The following AGO2 variants were observed in gnomAD, a reference collection of about 807,000 sequenced individuals.
The protein encoded by AGO2 is protein argonaute-2.
In AGO2, 5 loss-of-function variants were observed where a neutral mutation model predicts 102.3. The observed-to-expected ratio is 0.05, with a 90% CI of 0.03 to 0.10. The LOEUF (loss-of-function observed/expected upper bound fraction) is 0.10. AGO2 is among the 10% of genes least tolerant of loss of function. The pLI is 1.00. For missense variants in AGO2, 541 were observed against 1,183.7 expected (o/e 0.46, Z 7.97); for synonymous variants, 449 against 473.1 (o/e 0.95, Z 0.66).
chr8:140,584,266 G>A (rs2073611183), intron 2 of AGO2, among the ~76,000 whole-genome samples: 3 of 151,962 alleles, frequency 2.0e-5, no homozygotes, highest in African/African-American at 4.8e-5. Flanking sequence ...CCAGAGAAAT[G>A]AAAATTAACC....
At chr8:140,532,277 G>A (rs1022476769) in intron 18 of AGO2, 125 bp from the exon 19 acceptor site, 18 of 1,370,260 alleles carry the variant, frequency 1.3e-5, no homozygotes, top group African/African-American at 1.1e-4. Context: ...CCACGCTGAC[G>A]GCCGTGCCAT....
chr8:140,525,673 GC>G lies in AGO2; in HGVS notation c.*6370del, dbSNP rs2072492746. On this transcript the variant is annotated 3_prime_UTR_variant, in exon 19 of 19. Coordinates refer to ENST00000220592, the MANE Select transcript of AGO2 (RefSeq NM_012154.5). The stretch of plus-strand genomic sequence containing the variant: ...GATGAGCAGCCAACATGAGAACGGG[GC>G]CACCTCCAAACACCCAGACACCTCC... 1 of 152,216 alleles carries G rather than the reference GC, an allele frequency of 6.6e-6. No homozygotes were observed. The highest frequency in any genetic ancestry group is 2.1e-4 in the South Asian group (1 of 4,830). The allele number at this position is 152,216 out of a possible 1,614,324, so 9.4% of individuals were successfully genotyped here.
At chr8:140,536,906 AG>A (rs1358313023) in intron 16 of AGO2, among the ~76,000 whole-genome samples, 1 of 152,152 alleles carries the variant, frequency 6.6e-6, no homozygotes, top group Non-Finnish European at 1.5e-5. Flanking sequence ...CTATGTCTTT[AG>A]GCTTCTTTTA....
intron 3 of AGO2, among the ~76,000 whole-genome samples, chr8:140,565,529 T>C (rs894780848): frequency 3.3e-5 from 5 of 150,306 alleles, no homozygotes; most frequent in Non-Finnish European, 1.5e-5. Context: ...TAATCCCAGC[T>C]ACCTGGGAGG....
At chr8:140,556,776 T>A (rs2073101401) in intron 8 of AGO2, among the ~76,000 whole-genome samples, 1 of 152,082 alleles carries the variant, frequency 6.6e-6, no homozygotes, top group Non-Finnish European at 1.5e-5. Context: ...AGAGTCGTGA[T>A]GTTAGAGGAG....
At chr8:140,554,447 G>A (rs1463990968) in intron 10 of AGO2, among the ~76,000 whole-genome samples, 1 of 152,152 alleles carries the variant, frequency 6.6e-6, no homozygotes, top group Non-Finnish European at 1.5e-5. Flanking sequence ...AACACAGAAC[G>A]GCCAGCAGCC....
rs115553817 is a variant in AGO2, at chr8:140,624,070, G to A, written c.22+11415C>T. Among the ~76,000 whole-genome samples, 1,164 of 152,134 alleles carry A rather than the reference G, an allele frequency of 7.7e-3. 16 individuals carry two copies. The highest frequency in any genetic ancestry group is 0.026 in the African/African-American group (1,099 of 41,488). On this transcript the variant is annotated intron_variant, in intron 1 of 18. Transcript: ENST00000220592. Reference sequence around the variant, plus strand: ...AGCCAGGAAGGTGCAGGGCGAGCGCGATGGACCGTCCCCTCCTGGGTTTCT... The same window carrying A: ...AGCCAGGAAGGTGCAGGGCGAGCGCAATGGACCGTCCCCTCCTGGGTTTCT...
chr8:140,547,882 C>T (rs1410889152), intron 12 of AGO2, among the ~76,000 whole-genome samples: 1 of 152,244 alleles, frequency 6.6e-6, no homozygotes, highest in African/African-American at 2.4e-5. Context: ...GGCTTTCCCT[C>T]CCTCAGGAAG....
At chr8:140,610,953 A>G (rs1462162920) in intron 1 of AGO2, among the ~76,000 whole-genome samples, 1 of 152,250 alleles carries the variant, frequency 6.6e-6, no homozygotes, top group Non-Finnish European at 1.5e-5. Context: ...CAATTTAATT[A>G]AAGTGGAACA....
At chr8:140,558,693 G>A (rs1363571058) in intron 6 of AGO2, 121 bp from the exon 7 acceptor site, 1 of 1,047,524 alleles carries the variant, frequency 9.5e-7, no homozygotes, top group East Asian at 2.5e-5. Context: ...GGGGCTGCAG[G>A]GCTCCCCTAG....
chr8:140,573,732 T>C (rs1333245868), intron 2 of AGO2, among the ~76,000 whole-genome samples: 5 of 152,242 alleles, frequency 3.3e-5, no homozygotes, highest in Non-Finnish European at 2.9e-5. Context: ...TTGTGTTCCA[T>C]GGAGGTAGGG....
intron 1 of AGO2, among the ~76,000 whole-genome samples, chr8:140,631,520 G>A (rs1050511846): frequency 1.3e-5 from 2 of 149,984 alleles, no homozygotes; most frequent in Non-Finnish European, 3.0e-5. Flanking sequence ...CTGGGTGACA[G>A]AGCGAGACTC....
At position 140,613,158 on chromosome 8, in the gene AGO2, C is replaced by A. The variant is rs559600001; in HGVS notation, c.22+22327G>T. Among the ~76,000 whole-genome samples the A allele has an allele frequency of 8.5e-5, 13 of 152,272 alleles. No individual in the cohort carries two copies. In the South Asian group the frequency reaches 1.9e-3, roughly 22 times the overall value. On this transcript the variant is annotated intron_variant, in intron 1 of 18. Coordinates refer to ENST00000220592, the MANE Select transcript of AGO2 (RefSeq NM_012154.5). ...GAGCTTGCAGTGAGCCGAGATAGCG[C>A]CACTGCACTCCAGCCTGGGCGACAG... is the stretch of plus-strand genomic sequence containing the variant.
At chr8:140,634,735 G>A (rs1349422498) in intron 1 of AGO2, among the ~76,000 whole-genome samples, 3 of 152,230 alleles carry the variant, frequency 2.0e-5, no homozygotes, top group Non-Finnish European at 2.9e-5. Flanking sequence ...GCACTTGAAT[G>A]GGGAGGCCGG....
At chr8:140,604,555 G>A (rs890734984) in intron 1 of AGO2, among the ~76,000 whole-genome samples, 2 of 152,078 alleles carry the variant, frequency 1.3e-5, no homozygotes, top group East Asian at 1.9e-4. Flanking sequence ...GGCCGGGTGC[G>A]GTGGCTCATG....
At position 140,523,787 on chromosome 8, in the gene AGO2, A is replaced by G. The variant is rs955122683; in HGVS notation, c.*8257T>C. ...ATGGCAGCCACAGTGCTCCCTCTGC[A>G]GCCGTTGCCTCTGTGGAGGGAGAGG... On this transcript the variant is annotated 3_prime_UTR_variant, in exon 19 of 19. Coordinates refer to ENST00000220592, the MANE Select transcript of AGO2 (RefSeq NM_012154.5). 5 of 152,208 alleles carry G rather than the reference A, an allele frequency of 3.3e-5. No individual in the cohort carries two copies. The highest frequency in any genetic ancestry group is 7.3e-5 in the Non-Finnish European group (5 of 68,034). The allele number at this position is 152,208 out of a possible 1,614,324, so 9.4% of individuals were successfully genotyped here.
chr8:140,625,297 GT>G (rs1195255089), intron 1 of AGO2, among the ~76,000 whole-genome samples: 1 of 152,174 alleles, frequency 6.6e-6, no homozygotes, highest in East Asian at 1.9e-4. Flanking sequence ...GTAGAGACGG[GT>G]TTTCACCACG....
intron 1 of AGO2, among the ~76,000 whole-genome samples, chr8:140,598,005 G>C (rs1409309617): frequency 1.3e-5 from 2 of 152,214 alleles, no homozygotes; most frequent in African/African-American, 4.8e-5. Flanking sequence ...CTGGGCTGTA[G>C]GGCGCACAGC....
chr8:140,593,327 G>A (rs1293921886), intron 1 of AGO2: 1 of 152,054 alleles, frequency 6.6e-6, no homozygotes, highest in East Asian at 1.9e-4. Context: ...GAGTAGCTGG[G>A]ATTACAGGCG....
Sources: allele counts gnomAD v4.1 joint callset (sites outside exome capture counted in the v4.1 genomes callset), GRCh38; gene constraint gnomAD v4.1.1; transcripts MANE v1.5; gene names NCBI Gene and HGNC (gene_info 2026-07-23, HGNC 2026-07-21).